SBF2: variants seen among roughly 807,000 people sequenced by gnomAD.
SBF2 encodes the protein SET binding factor 2, also known as myotubularin-related protein 13.
Under a neutral mutation model 225.2 loss-of-function variants are expected in SBF2, and 112 were observed. The ratio of observed to expected loss-of-function variants is 0.50; its 90% CI spans 0.43 to 0.58. SBF2 has a LOEUF of 0.58. Among genes scored for constraint, SBF2 ranks in the 20% least tolerant of loss-of-function variants. The probability of loss-of-function intolerance (pLI) is 0.00; values close to 1 mark genes in which losing one functional copy is unlikely to be tolerated. For missense variants in SBF2, 1,996 were observed against 2,206.2 expected, an observed-to-expected ratio of 0.90 and a Z score of 1.91; for synonymous variants, 763 against 773.3, an observed-to-expected ratio of 0.99 and a Z score of 0.22.
chr11:10,240,032 G>A (rs1158071410), intron 1 of SBF2, among the ~76,000 whole-genome samples: 2 of 152,098 alleles, frequency 1.3e-5, no homozygotes, highest in Non-Finnish European at 2.9e-5. Context: ...TATAAGGTGA[G>A]TCCCACAGCT....
intron 13 of SBF2, among the ~76,000 whole-genome samples, chr11:9,987,209 G>A (rs901781263): frequency 8.5e-5 from 13 of 152,126 alleles, no homozygotes; most frequent in Non-Finnish European, 1.3e-4. Context: ...ACAAAGCACT[G>A]GACAAAATTT....
At chr11:9,901,914 G>C (rs1363826048) in intron 16 of SBF2, among the ~76,000 whole-genome samples, 3 of 152,174 alleles carry the variant, frequency 2.0e-5, no homozygotes, top group Non-Finnish European at 2.9e-5. Context: ...CCAAAGTGCT[G>C]GGATCATAGG....
At chr11:10,268,671 T>G (rs562751090) in intron 1 of SBF2, among the ~76,000 whole-genome samples, 92 of 152,200 alleles carry the variant, frequency 6.0e-4, no homozygotes, top group Non-Finnish European at 1.1e-3. Flanking sequence ...GCTAAAAAAG[T>G]AGTAGTCTCT....
intron 13 of SBF2, among the ~76,000 whole-genome samples, chr11:9,984,740 A>C (rs1947122396): frequency 6.6e-6 from 1 of 152,220 alleles, no homozygotes; most frequent in South Asian, 2.1e-4. Context: ...TCTCAGCAGA[A>C]ACTCTACAAA....
intron 2 of SBF2, among the ~76,000 whole-genome samples, chr11:10,133,121 G>A (rs1376378733): frequency 4.7e-5 from 7 of 149,086 alleles, no homozygotes; most frequent in Non-Finnish European, 7.4e-5. Flanking sequence ...ACAGAGTGTC[G>A]ATTGGTGCAC....
chr11:10,286,283 C>T lies in SBF2; in HGVS notation c.55+7732G>A, dbSNP rs114120736. Among the ~76,000 whole-genome samples the T allele has an allele frequency of 6.8e-3, 1,026 of 151,674 alleles. 10 individuals are homozygous for T. Among genetic ancestry groups the T allele is most frequent in the African/African-American group, 0.024 (972 of 41,340 alleles). On this transcript the variant is annotated intron_variant, in intron 1 of 39. Transcript: ENST00000256190. ...ATACATAAAACATCACGCTGTCCAC[C>T]ATAAATATATATGATTTTTATTTGT...
chr11:10,094,854 G>A (rs1394519124), intron 2 of SBF2, among the ~76,000 whole-genome samples: 1 of 151,652 alleles, frequency 6.6e-6, no homozygotes, highest in Non-Finnish European at 1.5e-5. Flanking sequence ...TTTTTGGGTG[G>A]TGGTAACGGG....
chr11:10,004,875 C>T (rs779235328), intron 6 of SBF2, among the ~76,000 whole-genome samples: 1 of 152,162 alleles, frequency 6.6e-6, no homozygotes, highest in Non-Finnish European at 1.5e-5. Flanking sequence ...CCTGGAAGCC[C>T]CCTCCCCTGC....
intron 16 of SBF2, among the ~76,000 whole-genome samples, chr11:9,903,738 C>A (rs1420394875): frequency 6.6e-6 from 1 of 152,196 alleles, no homozygotes; most frequent in African/African-American, 2.4e-5. Context: ...GGCTGGGCTA[C>A]TCATAAGTGC....
chr11:9,826,713 G>GTA (rs55922206), intron 28 of SBF2, among the ~76,000 whole-genome samples: 11,474 of 148,700 alleles, frequency 0.077, 482 homozygotes, highest in East Asian at 0.15. Flanking sequence ...TGTGTGGTGT[G>GTA]TATATATATA....
chr11:9,787,561 G>A, intron 36 of SBF2, 73 bp downstream of exon 36: 1 of 1,284,182 alleles, frequency 7.8e-7, no homozygotes, highest in Non-Finnish European at 1.1e-6. Context: ...TGTCACCTGT[G>A]GCAGCAGGCT....
At chr11:9,815,324 C>T (rs1444041006) in intron 29 of SBF2, among the ~76,000 whole-genome samples, 3 of 145,784 alleles carry the variant, frequency 2.1e-5, no homozygotes, top group Non-Finnish European at 3.0e-5. Flanking sequence ...GGCGTGGTGA[C>T]GCGTGCCTGT....
chr11:9,923,920 T>C (rs759949669), intron 16 of SBF2, among the ~76,000 whole-genome samples: 7 of 152,200 alleles, frequency 4.6e-5, no homozygotes, highest in African/African-American at 1.7e-4. Context: ...TTGAATTTCA[T>C]GCTAGTTCCA....
At chr11:10,015,570 G>T (rs1353849440) in intron 6 of SBF2, among the ~76,000 whole-genome samples, 3 of 152,136 alleles carry the variant, frequency 2.0e-5, no homozygotes, top group Non-Finnish European at 4.4e-5. Context: ...GGTTATCGTG[G>T]TCCACCTGGG....
chr11:10,168,270 G>A (rs552345481), intron 2 of SBF2, among the ~76,000 whole-genome samples: 1 of 152,070 alleles, frequency 6.6e-6, no homozygotes, highest in Admixed American at 6.5e-5. Flanking sequence ...GAATAGACTA[G>A]AATCTATCAT....
At chr11:10,001,487 C>T (rs535776077) in intron 7 of SBF2, among the ~76,000 whole-genome samples, 2 of 152,034 alleles carry the variant, frequency 1.3e-5, no homozygotes, top group South Asian at 4.2e-4. Context: ...CAATAATTAC[C>T]TTATCTAAAA....
intron 16 of SBF2, among the ~76,000 whole-genome samples, chr11:9,927,448 A>G (rs1379688875): frequency 6.6e-6 from 1 of 152,228 alleles, no homozygotes; most frequent in East Asian, 1.9e-4. Context: ...AAATCCGACA[A>G]GTTAAACCGG....
intron 16 of SBF2, among the ~76,000 whole-genome samples, chr11:9,910,633 C>T (rs1862523207): frequency 6.6e-6 from 1 of 151,884 alleles, no homozygotes; most frequent in Non-Finnish European, 1.5e-5. Flanking sequence ...ATGGATGATC[C>T]TGACCCTGTG....
chr11:10,068,972 C>G (rs1950741630), intron 2 of SBF2, among the ~76,000 whole-genome samples: 2 of 152,158 alleles, frequency 1.3e-5, no homozygotes, highest in African/African-American at 4.8e-5. Context: ...CACTCTACCC[C>G]TCACTTCCAG....
Sources: gnomAD v4.1 joint callset for allele counts (sites outside exome capture counted in the v4.1 genomes callset) on GRCh38, gnomAD v4.1.1 for gene constraint, MANE v1.5 for transcripts, NCBI Gene and HGNC (gene_info 2026-07-23, HGNC 2026-07-21) for gene names.